BANK1: variants seen among roughly 807,000 people sequenced by gnomAD.
The protein encoded by BANK1 is B cell scaffold protein with ankyrin repeats 1, also known as B-cell scaffold protein with ankyrin repeats.
A neutral mutation model predicts 94.5 loss-of-function variants in BANK1; 95 were observed. The ratio of observed to expected loss-of-function variants is 1.00; its 90% CI spans 0.85 to 1.19. The LOEUF (loss-of-function observed/expected upper bound fraction) is 1.19, where lower values mean the gene tolerates loss of function less well. BANK1 is among the 50% of genes most tolerant of loss of function. The pLI, the probability that BANK1 is intolerant of heterozygous loss-of-function variation, is 0.00. For synonymous variants in BANK1, 334 were observed against 308.4 expected (o/e 1.08, Z -0.87); for missense variants, 987 against 932.2 (o/e 1.06, Z -0.77).
intron 7 of BANK1, among the ~76,000 whole-genome samples, chr4:101,931,628 C>T (rs1000846615): frequency 4.0e-5 from 6 of 151,502 alleles, no homozygotes; most frequent in African/African-American, 1.2e-4. Flanking sequence ...TATGTACATC[C>T]TATTGGTTCT....
chr4:101,888,697 C>T lies in BANK1; in HGVS notation c.904-6608C>T, dbSNP rs79058347. Among the ~76,000 whole-genome samples, 377 of 152,254 alleles carry T rather than the reference C, an allele frequency of 2.5e-3. 13 individuals are homozygous for T. In the East Asian group the frequency reaches 0.061, roughly 25 times the overall value. On this transcript the variant is annotated intron_variant, in intron 5 of 16. Transcript: ENST00000322953. ...AAAGTAGACATTTAGAAAAATCTAC[C>T]TTGCAGGATGTTATAAAAGTTAGAG...
chr4:101,797,218 A>G (rs1053003544), intron 1 of BANK1, among the ~76,000 whole-genome samples: 1 of 152,228 alleles, frequency 6.6e-6, no homozygotes, highest in African/African-American at 2.4e-5. Context: ...GATGTGATCA[A>G]TTAAGTCCAA....
intron 2 of BANK1, among the ~76,000 whole-genome samples, chr4:101,839,321 G>A (rs1007657190): frequency 1.3e-5 from 2 of 152,044 alleles, no homozygotes; most frequent in Non-Finnish European, 2.9e-5. Context: ...GTTTATGGTT[G>A]TACTCTTTAC....
intron 7 of BANK1, among the ~76,000 whole-genome samples, chr4:102,015,699 TCCAGCCTTTGGCATCAAA>T (rs1381921360): frequency 6.6e-6 from 1 of 152,164 alleles, no homozygotes; most frequent in Non-Finnish European, 1.5e-5. Flanking sequence ...ACCCCTTTCC[TCCAGCCTTTGGCATCAAA>T]GCTGTGAAAA....
intron 2 of BANK1, among the ~76,000 whole-genome samples, chr4:101,844,924 C>A (rs1382502345): frequency 6.6e-6 from 1 of 152,052 alleles, no homozygotes; most frequent in Non-Finnish European, 1.5e-5. Context: ...ATTTAACATA[C>A]CCTACTGAAT....
At chr4:101,874,182 G>A (rs1271274213) in intron 5 of BANK1, among the ~76,000 whole-genome samples, 1 of 151,606 alleles carries the variant, frequency 6.6e-6, no homozygotes, top group Non-Finnish European at 1.5e-5. Context: ...TTATTCAATT[G>A]CATGTATTAT....
chr4:101,894,565 G>A (rs755622335), intron 5 of BANK1, among the ~76,000 whole-genome samples: 2 of 151,696 alleles, frequency 1.3e-5, no homozygotes, highest in African/African-American at 4.8e-5. Context: ...AGAAACTTTT[G>A]TTCCACAGTT....
At chr4:101,936,252 C>T (rs987774226) in intron 7 of BANK1, among the ~76,000 whole-genome samples, 1 of 130,900 alleles carries the variant, frequency 7.6e-6, no homozygotes, top group Non-Finnish European at 1.7e-5. Flanking sequence ...ACATATATGA[C>T]ACACATACAT....
chr4:101,904,030 C>T (rs1006912314), intron 6 of BANK1, among the ~76,000 whole-genome samples: 8 of 152,182 alleles, frequency 5.3e-5, no homozygotes, highest in Admixed American at 5.2e-4. Context: ...TTGCTTGCCC[C>T]ACAAACGTCT....
In BANK1 at chr4:101,828,650, T is replaced by C. The variant is rs575038782; in HGVS notation, c.71-1158T>C. 3.3e-5 allele frequency among the ~76,000 whole-genome samples: 5 copies of C among 152,212 alleles called. No individual in the cohort carries two copies. In the East Asian group the frequency reaches 9.6e-4, roughly 29 times the overall value. On this transcript the variant is annotated intron_variant, in intron 1 of 16. Transcript: ENST00000322953. ...TGCATGTAGCATTGTTACATTCTTT[T>C]TCATTGTTATGCAATATTTTATAGT...
chr4:102,017,002 C>T (rs1034964886), intron 7 of BANK1, among the ~76,000 whole-genome samples: 5 of 152,016 alleles, frequency 3.3e-5, no homozygotes, highest in Non-Finnish European at 7.4e-5. Context: ...AGATAGTTGG[C>T]CAGTGCAGAC....
intron 10 of BANK1, among the ~76,000 whole-genome samples, chr4:102,040,922 T>C (rs1307492089): frequency 6.6e-6 from 1 of 151,950 alleles, no homozygotes; most frequent in Admixed American, 6.6e-5. Context: ...GGAAAAGCCG[T>C]TTTTCCATGT....
intron 7 of BANK1, among the ~76,000 whole-genome samples, chr4:101,991,436 T>G (rs998621225): frequency 2.6e-5 from 4 of 152,226 alleles, no homozygotes; most frequent in Admixed American, 6.5e-5. Flanking sequence ...GTTGTTTTTG[T>G]TTTTGTTTTG....
At chr4:101,807,946 G>A (rs961034854) in intron 1 of BANK1, among the ~76,000 whole-genome samples, 1 of 151,888 alleles carries the variant, frequency 6.6e-6, no homozygotes, top group Middle Eastern at 3.2e-3. Flanking sequence ...TTAGCTGGCT[G>A]TGGTGGCGCA....
intron 1 of BANK1, among the ~76,000 whole-genome samples, chr4:101,811,856 A>G (rs1254970553): frequency 6.6e-6 from 1 of 152,070 alleles, no homozygotes; most frequent in African/African-American, 2.4e-5. Context: ...AGAATAAACT[A>G]CTTTGTGTTA....
chr4:101,904,795 T>C (rs1424245539), intron 6 of BANK1, among the ~76,000 whole-genome samples: 4 of 152,198 alleles, frequency 2.6e-5, no homozygotes, highest in Admixed American at 6.5e-5. Flanking sequence ...AAAATATAAC[T>C]ACTTTGATAT....
At chr4:102,073,941 A>G in intron 16 of BANK1, 64 bp from the exon 17 acceptor site, 1 of 420,710 alleles carries the variant, frequency 2.4e-6, no homozygotes, top group Non-Finnish European at 4.2e-6. Context: ...ATTTAATGCC[A>G]ATTAATCAAT....
intron 7 of BANK1, among the ~76,000 whole-genome samples, chr4:101,981,076 T>G (rs984122166): frequency 2.0e-5 from 3 of 152,096 alleles, no homozygotes; most frequent in Admixed American, 2.0e-4. Context: ...TTTGTCCTCT[T>G]GTGAATTGTA....
chr4:101,872,220 G>C (rs1271921826), intron 5 of BANK1, among the ~76,000 whole-genome samples: 1 of 152,086 alleles, frequency 6.6e-6, no homozygotes, highest in Non-Finnish European at 1.5e-5. Context: ...CTCTAACCCA[G>C]TGGCAGCAAA....
Sources: allele counts gnomAD v4.1 joint callset (sites outside exome capture counted in the v4.1 genomes callset), GRCh38; gene constraint gnomAD v4.1.1; transcripts MANE v1.5; gene names NCBI Gene and HGNC (gene_info 2026-07-23, HGNC 2026-07-21).